MGMT: variants seen among roughly 807,000 people sequenced by gnomAD.
MGMT encodes the protein O-6-methylguanine-DNA methyltransferase, also known as methylated-DNA--protein-cysteine methyltransferase.
Under a neutral mutation model 15.9 loss-of-function variants are expected in MGMT, and 14 were observed. The ratio of observed to expected loss-of-function variants is 0.88; its 90% CI spans 0.58 to 1.37. The LOEUF is 1.37. MGMT is among the 40% of genes most tolerant of loss of function. The pLI is 0.00. For missense variants in MGMT, 282 were observed against 268.1 expected, an observed-to-expected ratio of 1.05 and a Z score of -0.36; for synonymous variants, 130 against 118.2, an observed-to-expected ratio of 1.10 and a Z score of -0.65.
At chr10:129,581,255 C>T (rs1846552445) in intron 2 of MGMT, among the ~76,000 whole-genome samples, 1 of 152,144 alleles carries the variant, frequency 6.6e-6, no homozygotes, top group Non-Finnish European at 1.5e-5. Context: ...GTTCTGCTTT[C>T]CTGCCCCTGG....
At chr10:129,743,323 G>A (rs922934512) in intron 3 of MGMT, among the ~76,000 whole-genome samples, 10 of 152,194 alleles carry the variant, frequency 6.6e-5, no homozygotes, top group Admixed American at 1.3e-4. Flanking sequence ...GGAAACCCAC[G>A]TTGAGTTGGG....
chr10:129,695,622 G>A (rs74160263), intron 2 of MGMT, among the ~76,000 whole-genome samples: 1,701 of 152,328 alleles, frequency 0.011, 27 homozygotes, highest in African/African-American at 0.038. Flanking sequence ...TCTGTAAGCT[G>A]TGTGGAGATG....
At chr10:129,734,474 G>T (rs531015936) in intron 3 of MGMT, among the ~76,000 whole-genome samples, 6 of 151,146 alleles carry the variant, frequency 4.0e-5, no homozygotes, top group Non-Finnish European at 5.9e-5. Context: ...AGACAGTGGG[G>T]TCTTCTGGAT....
intron 2 of MGMT, among the ~76,000 whole-genome samples, chr10:129,545,462 T>C (rs997577758): frequency 1.9e-4 from 29 of 152,230 alleles, no homozygotes; most frequent in Admixed American, 3.9e-4. Context: ...ACATGAGTCA[T>C]TGTAAAGTTA....
At chr10:129,552,755 G>A (rs1012582103) in intron 2 of MGMT, among the ~76,000 whole-genome samples, 1 of 152,256 alleles carries the variant, frequency 6.6e-6, no homozygotes, top group African/African-American at 2.4e-5. Context: ...TTCTGCTGAT[G>A]TCCGTGAGGA....
intron 4 of MGMT, 125 bp downstream of exon 4, chr10:129,759,466 T>C (rs1848846515): frequency 1.4e-6 from 2 of 1,416,292 alleles, no homozygotes; most frequent in South Asian, 2.6e-5. Context: ...AGGGGCGATA[T>C]CTGTGATGGG....
intron 3 of MGMT, among the ~76,000 whole-genome samples, chr10:129,718,761 C>T (rs143860297): frequency 6.6e-6 from 1 of 151,782 alleles, no homozygotes; most frequent in Non-Finnish European, 1.5e-5. Context: ...ACCTTCCGCT[C>T]AGGTGTGTCA....
chr10:129,578,099 T>C (rs1396467634), intron 2 of MGMT, among the ~76,000 whole-genome samples: 1 of 152,198 alleles, frequency 6.6e-6, no homozygotes, highest in Non-Finnish European at 1.5e-5. Context: ...TGTAAAGTAG[T>C]TCAACCATTG....
At chr10:129,660,127 CTTTTACCCCATTCTGAT>C (rs1158875955) in intron 2 of MGMT, among the ~76,000 whole-genome samples, 1 of 152,226 alleles carries the variant, frequency 6.6e-6, no homozygotes. Flanking sequence ...TCTCCTGTCA[CTTTTACCCCATTCTGAT>C]TTTTCATCTC....
intron 2 of MGMT, among the ~76,000 whole-genome samples, chr10:129,696,934 C>T (rs755642732): frequency 1.3e-5 from 2 of 152,230 alleles, no homozygotes; most frequent in Non-Finnish European, 1.5e-5. Flanking sequence ...GTAGGGGACA[C>T]GGCAGGCCGG....
chr10:129,512,352 G>A (rs141723747), intron 1 of MGMT, among the ~76,000 whole-genome samples: 1 of 152,024 alleles, frequency 6.6e-6, no homozygotes, highest in Non-Finnish European at 1.5e-5. Flanking sequence ...TGCTCATTTT[G>A]TTTATTCTGT....
chr10:129,473,565 G>A (rs1423418529), intron 1 of MGMT, among the ~76,000 whole-genome samples: 1 of 152,230 alleles, frequency 6.6e-6, no homozygotes, highest in Non-Finnish European at 1.5e-5. Flanking sequence ...TGATAACCAA[G>A]TGCAGGCTCA....
At chr10:129,584,039 CG>C (rs1255844639) in intron 2 of MGMT, among the ~76,000 whole-genome samples, 1 of 152,132 alleles carries the variant, frequency 6.6e-6, no homozygotes, top group Non-Finnish European at 1.5e-5. Context: ...GATGCAGAAG[CG>C]GAAGTCAGTG....
chr10:129,673,640 A>G (rs1847751374), intron 2 of MGMT, among the ~76,000 whole-genome samples: 1 of 152,114 alleles, frequency 6.6e-6, no homozygotes, highest in South Asian at 2.1e-4. Context: ...CATCGGCTTG[A>G]TGCCCATTCA....
At chr10:129,550,233 G>A (rs1405236026) in intron 2 of MGMT, among the ~76,000 whole-genome samples, 1 of 151,302 alleles carries the variant, frequency 6.6e-6, no homozygotes, top group Non-Finnish European at 1.5e-5. Flanking sequence ...AGCCATCACC[G>A]CCGCCCAGCA....
intron 1 of MGMT, among the ~76,000 whole-genome samples, chr10:129,469,166 A>G (rs1039785435): frequency 6.6e-6 from 1 of 152,078 alleles, no homozygotes; most frequent in Non-Finnish European, 1.5e-5. Context: ...GGGCCTGAAA[A>G]AGAACTTGCC....
chr10:129,491,325 T>C lies in MGMT; in HGVS notation c.-13+24029T>C, dbSNP rs150173626. ...GCTGAAAAGTCAGCTGTCAGTCTTA[T>C]TGTTGCACTTTTGAAGATAATGCAA... is the stretch of plus-strand genomic sequence containing the variant. On this transcript the variant is annotated intron_variant, in intron 1 of 4. Transcript: ENST00000651593. Among the ~76,000 whole-genome samples the C allele has an allele frequency of 2.9e-3, 438 of 152,306 alleles. 2 individuals carry two copies. Among genetic ancestry groups the C allele is most frequent in the African/African-American group, 1.0e-2 (414 of 41,564 alleles).
At chr10:129,482,693 A>T (rs1845370908) in intron 1 of MGMT, among the ~76,000 whole-genome samples, 2 of 152,020 alleles carry the variant, frequency 1.3e-5, no homozygotes, top group Non-Finnish European at 2.9e-5. Flanking sequence ...AAATTATTTG[A>T]TATTAGGATA....
intron 2 of MGMT, among the ~76,000 whole-genome samples, chr10:129,548,538 T>C (rs1846121046): frequency 6.6e-6 from 1 of 152,236 alleles, no homozygotes; most frequent in South Asian, 2.1e-4. Flanking sequence ...CTTCAAAGTT[T>C]TTGGTGTGTT....
Sources: gnomAD v4.1 joint callset for allele counts (sites outside exome capture counted in the v4.1 genomes callset) on GRCh38, gnomAD v4.1.1 for gene constraint, MANE v1.5 for transcripts, NCBI Gene and HGNC (gene_info 2026-07-23, HGNC 2026-07-21) for gene names.